Variants in CDH18 observed in about 807,000 individuals in gnomAD.
CDH18 encodes the protein cadherin 18, also known as cadherin-18.
In CDH18, 31 loss-of-function variants were observed where a neutral mutation model predicts 67.9. The ratio of observed to expected loss-of-function variants is 0.46; its 90% CI spans 0.34 to 0.62. The LOEUF (loss-of-function observed/expected upper bound fraction) is 0.62. Ranked by LOEUF, CDH18 falls within the 20% of genes least tolerant of loss-of-function variation. CDH18 has a pLI of 0.01. For missense variants in CDH18, 890 were observed against 975.5 expected (o/e 0.91, Z 1.17); for synonymous variants, 362 against 347.2 (o/e 1.04, Z -0.48).
intron 2 of CDH18, among the ~76,000 whole-genome samples, chr5:20,192,295 G>A (rs1483656576): frequency 6.6e-6 from 1 of 151,434 alleles, no homozygotes; most frequent in African/African-American, 2.4e-5. Context: ...CTCCCATTCT[G>A]TAGGTTCCCT....
intron 12 of CDH18, among the ~76,000 whole-genome samples, chr5:19,479,974 C>T (rs1739128741): frequency 6.6e-6 from 1 of 152,100 alleles, no homozygotes; most frequent in Admixed American, 6.5e-5. Flanking sequence ...TCCATGAAAA[C>T]ATAAAATGTT....
At chr5:20,530,666 G>C (rs1359617114) in intron 1 of CDH18, among the ~76,000 whole-genome samples, 3 of 152,022 alleles carry the variant, frequency 2.0e-5, no homozygotes, top group Non-Finnish European at 2.9e-5. Flanking sequence ...AATGGCACTG[G>C]GAAAACTGGC....
At chr5:20,144,706 G>A (rs1432145404) in intron 2 of CDH18, among the ~76,000 whole-genome samples, 13 of 152,194 alleles carry the variant, frequency 8.5e-5, no homozygotes, top group Non-Finnish European at 1.8e-4. Flanking sequence ...ATTCTGTCCC[G>A]CAAAAATGTA....
At position 20,201,209 on chromosome 5, in the gene CDH18, T is replaced by C. The variant is rs139910583; in HGVS notation, c.-518+54235A>G. 4.4e-3 allele frequency among the ~76,000 whole-genome samples: 667 copies of C among 152,070 alleles called. 3 individuals are homozygous for C. Among genetic ancestry groups the C allele is most frequent in the Non-Finnish European group, 7.7e-3 (521 of 67,996 alleles). On this transcript the variant is annotated intron_variant, in intron 2 of 14. Transcript: ENST00000507958. ...CTAGATGCATTACTCCAATCTCTGC[T>C]TCTGTCCTCCTACAGCCATCTTCTC...
chr5:19,577,482 T>C (rs980038536), intron 7 of CDH18, among the ~76,000 whole-genome samples: 2 of 152,194 alleles, frequency 1.3e-5, no homozygotes, highest in South Asian at 2.1e-4. Context: ...TGTTATCTTA[T>C]GCCTCTCCTA....
At chr5:19,670,098 G>C (rs989825822) in intron 5 of CDH18, among the ~76,000 whole-genome samples, 9 of 146,664 alleles carry the variant, frequency 6.1e-5, no homozygotes, top group African/African-American at 2.3e-4. Flanking sequence ...GGTGTAGATT[G>C]CCCTACAGAT....
intron 3 of CDH18, among the ~76,000 whole-genome samples, chr5:19,803,146 T>G (rs1268661782): frequency 1.3e-5 from 2 of 152,190 alleles, no homozygotes; most frequent in African/African-American, 4.8e-5. Context: ...ACTCGCACAT[T>G]TATAAATACA....
chr5:19,790,679 T>C (rs1776265816), intron 3 of CDH18, among the ~76,000 whole-genome samples: 1 of 152,098 alleles, frequency 6.6e-6, no homozygotes, highest in Admixed American at 6.6e-5. Flanking sequence ...GGATTTTAAG[T>C]GCTAGAATGA....
At chr5:20,350,975 TAAA>T (rs138943500) in intron 1 of CDH18, among the ~76,000 whole-genome samples, 3,709 of 147,694 alleles carry the variant, frequency 0.025, 104 homozygotes, top group African/African-American at 0.067. Flanking sequence ...TTTGGAAAAG[TAAA>T]AAAAAAAGGA....
At chr5:20,320,923 A>G (rs956402944) in intron 1 of CDH18, among the ~76,000 whole-genome samples, 2 of 151,978 alleles carry the variant, frequency 1.3e-5, no homozygotes, top group Non-Finnish European at 1.5e-5. Context: ...TGGGAAACCT[A>G]TTGTAGCTGT....
At chr5:20,121,378 A>T (rs1748337307) in intron 2 of CDH18, among the ~76,000 whole-genome samples, 1 of 152,158 alleles carries the variant, frequency 6.6e-6, no homozygotes, top group Admixed American at 6.6e-5. Flanking sequence ...TCCAGTTTAA[A>T]ATGTGTAGAT....
rs116495598 is a variant in CDH18 at position 19,563,868 on chromosome 5, A to T, written c.1253+7711T>A. Among the ~76,000 whole-genome samples the T allele has an allele frequency of 2.6e-3, 396 of 152,248 alleles. 2 individuals carry two copies. The highest frequency in any genetic ancestry group is 9.1e-3 in the African/African-American group (377 of 41,552). On this transcript the variant is annotated intron_variant, in intron 8 of 12. Coordinates refer to ENST00000382275, the MANE Select transcript of CDH18 (RefSeq NM_004934.5). Reference sequence around the variant, plus strand: ...ATGGCTTACACAACCCCTCCCTCATACCCTGGTAGTGGCAGCAGAGCACAA... The same window carrying T: ...ATGGCTTACACAACCCCTCCCTCATTCCCTGGTAGTGGCAGCAGAGCACAA...
At chr5:19,520,127 G>A (rs1000727) in intron 10 of CDH18, among the ~76,000 whole-genome samples, 32,038 of 151,854 alleles carry the variant, frequency 0.21, 3,646 homozygotes, top group African/African-American at 0.27. Flanking sequence ...ATGCTTCTTT[G>A]ACTAGATGCA....
chr5:19,853,093 A>G (rs949322622), intron 2 of CDH18, among the ~76,000 whole-genome samples: 3 of 152,124 alleles, frequency 2.0e-5, no homozygotes, highest in Non-Finnish European at 4.4e-5. Context: ...GGGATGTCAT[A>G]ACAAAACACC....
intron 5 of CDH18, among the ~76,000 whole-genome samples, chr5:19,635,726 C>T (rs1434370336): frequency 1.3e-5 from 2 of 152,004 alleles, no homozygotes; most frequent in Admixed American, 6.6e-5. Flanking sequence ...ACTAGGTATC[C>T]ATTTATATAT....
chr5:19,724,641 T>G (rs1355862794), intron 4 of CDH18, among the ~76,000 whole-genome samples: 1 of 152,072 alleles, frequency 6.6e-6, no homozygotes, highest in Non-Finnish European at 1.5e-5. Flanking sequence ...TGCATGATGT[T>G]ACCATTGTGA....
intron 1 of CDH18, among the ~76,000 whole-genome samples, chr5:20,491,961 T>C (rs1038171135): frequency 6.6e-6 from 1 of 152,104 alleles, no homozygotes; most frequent in African/African-American, 2.4e-5. Flanking sequence ...CTAATTTAAT[T>C]TTTACTTTTA....
At chr5:20,370,953 T>C (rs10066788) in intron 1 of CDH18, among the ~76,000 whole-genome samples, 25,247 of 151,394 alleles carry the variant, frequency 0.17, 2,263 homozygotes, top group African/African-American at 0.19. Context: ...AGGATAATCG[T>C]TTGAACCTGG....
intron 1 of CDH18, among the ~76,000 whole-genome samples, chr5:20,453,987 T>C (rs1311467087): frequency 3.3e-5 from 5 of 152,064 alleles, no homozygotes; most frequent in Non-Finnish European, 5.9e-5. Context: ...CAGACTACTG[T>C]TATGGAAAAG....
Sources: gnomAD v4.1 joint callset for allele counts (sites outside exome capture counted in the v4.1 genomes callset) on GRCh38, gnomAD v4.1.1 for gene constraint, MANE v1.5 for transcripts, NCBI Gene and HGNC (gene_info 2026-07-23, HGNC 2026-07-21) for gene names.